The following NEK8 variants were observed in gnomAD, a reference collection of about 807,000 sequenced individuals.
NEK8 encodes the protein NIMA related kinase 8, also known as serine/threonine-protein kinase Nek8.
In NEK8, 51 loss-of-function variants were observed where a neutral mutation model predicts 77.2. The observed-to-expected ratio is 0.66, with a 90% CI of 0.53 to 0.83. The LOEUF (loss-of-function observed/expected upper bound fraction) is 0.83, where lower values mean the gene tolerates loss of function less well. Among genes scored for constraint, NEK8 ranks in the 40% least tolerant of loss-of-function variants. The pLI, the probability that NEK8 is intolerant of heterozygous loss-of-function variation, is 0.00. For missense variants in NEK8, 787 were observed against 909.2 expected (o/e 0.87, Z 1.73); for synonymous variants, 365 against 363.2 (o/e 1.00, Z -0.06).
rs150795574 is a variant in NEK8 at position 28,733,291 on chromosome 17, T to C, written c.48-692T>C. On this transcript the variant is annotated intron_variant, in intron 1 of 14. Coordinates refer to ENST00000268766, the MANE Select transcript of NEK8 (RefSeq NM_178170.3). ...AAGGTTTGGAGGCAGGAATCAAGAGTTTTATTTTGAATTTGTTAAAATTTA... is the reference window on the plus strand; with the variant it reads ...AAGGTTTGGAGGCAGGAATCAAGAGCTTTATTTTGAATTTGTTAAAATTTA... 4.8e-3 allele frequency among the ~76,000 whole-genome samples: 735 copies of C among 152,036 alleles called. 5 individuals carry two copies. Among genetic ancestry groups the C allele is most frequent in the Admixed American group, 0.011 (171 of 15,268 alleles).
intron 1 of NEK8, among the ~76,000 whole-genome samples, chr17:28,733,549 A>G (rs1480247472): frequency 6.6e-6 from 1 of 152,102 alleles, no homozygotes; most frequent in East Asian, 1.9e-4. Flanking sequence ...AAAATAAAAT[A>G]ATATGAATGG....
chr17:28,738,805 C>A (rs777908217), intron 9 of NEK8, 58 bp downstream of exon 9: 3 of 1,377,220 alleles, frequency 2.2e-6, no homozygotes, highest in East Asian at 2.3e-5. Context: ...GAGCCCACAT[C>A]TGTGAGTTGA....
rs541016960 is a variant in NEK8 at position 28,741,959 on chromosome 17, C to T, written c.2051C>T (p.Ser684Leu). 13 of 1,614,024 alleles carry T rather than the reference C, an allele frequency of 8.1e-6. No individual in the cohort carries two copies. Among genetic ancestry groups the T allele is most frequent in the African/African-American group, 6.7e-5 (5 of 75,020 alleles). The change falls in exon 15 of 15, where the codon TCG becomes TTG. Residue 684 changes from serine to leucine, a missense_variant and splice_region_variant. Physicochemically the swap from Ser to Leu is moderately radical, Grantham distance 145. Transcript: ENST00000268766. This position sits in a 1 kb window ranked among gnomAD's most constrained non-coding sequence, Gnocchi z 4.5. ...AGGGTTTCTCTTCGGTACCCTCCAG[C>T]GGTCACAGATGAGCCGGTCCCCCCC... ...CHGNTLLAVR[S>L]VTDEPVPP
Position 28,738,160 on chromosome 17 carries a change from G to A in NEK8, c.1137G>A (p.Gln379=). The A allele has an allele frequency of 6.2e-7, 1 of 1,614,166 alleles. No homozygotes were observed. The highest frequency in any genetic ancestry group is 8.5e-7 in the Non-Finnish European group (1 of 1,179,996). Residue 379 remains glutamine (Q), a synonymous_variant, in exon 8 of 15, where the codon CAG becomes CAA. Transcript: ENST00000268766. ...GGGCAGTGGAGCAGCCACAGCCCCA[G>A]TTCATCTCGCGTTTCCTGGAGGGCC... is the stretch of plus-strand genomic sequence containing the variant. ...LPGAVEQPQP[Q]FISRFLEGQS... is the part of the protein sequence containing the mutation.
At position 28,741,508 on chromosome 17, in the gene NEK8, ACACAC is replaced by A; in HGVS notation, c.1989_1993del (p.His664LeufsTer23). 1 of 1,614,114 alleles carries A rather than the reference ACACAC, an allele frequency of 6.2e-7. No homozygotes were observed. The highest frequency in any genetic ancestry group is 8.5e-7 in the Non-Finnish European group (1 of 1,179,998). On this transcript the variant is annotated frameshift_variant, in exon 14 of 15. Transcript: ENST00000268766. LOFTEE classifies it high-confidence loss of function. The surrounding 1 kb of genome is among the most constrained non-coding windows in gnomAD (Gnocchi z 4.5). Reference sequence around the variant, plus strand: ...CCCTCGGCCAGTGCAGTTGGATGAGACACACCCTTACACGGTGACTTCCGTGTCCT... The same window carrying A: ...CCCTCGGCCAGTGCAGTTGGATGAGACCTTACACGGTGACTTCCGTGTCCT...
In NEK8 at chr17:28,741,472, G is replaced by T. The variant is rs750996402; in HGVS notation, c.1951G>T (p.Asp651Tyr). 1.2e-6 allele frequency: 2 copies of T among 1,614,194 alleles called. No individual in the cohort carries two copies. Among genetic ancestry groups the T allele is most frequent in the South Asian group, 2.2e-5 (2 of 91,088 alleles). The change falls in exon 14 of 15, where the codon GAT becomes TAT. Residue 651 changes from aspartate to tyrosine, a missense_variant. By Grantham distance (160) the Asp-to-Tyr change is radical (BLOSUM62 -3). Coordinates refer to ENST00000268766, the MANE Select transcript of NEK8 (RefSeq NM_178170.3). The surrounding 1 kb of genome is among the most constrained non-coding windows in gnomAD (Gnocchi z 4.5). ...AGGTCGATTGGGAAGGAGGGATGAG[G>T]ATGCCGGACTCCCTCGGCCAGTGCA... is the stretch of plus-strand genomic sequence containing the variant. Reference protein sequence around the residue: ...ARGRLGRRDEDAGLPRPVQLD... With the variant: ...ARGRLGRRDEYAGLPRPVQLD...
In NEK8 at chr17:28,742,320, G is replaced by A. The variant is rs886727293; in HGVS notation, c.*333G>A. ...ATAAAAAGGCTGAAGGCAGCCGGGC[G>A]CAGTGGCTCACGCCTGTAATCCCAG... is the stretch of plus-strand genomic sequence containing the variant. On this transcript the variant is annotated 3_prime_UTR_variant, in exon 15 of 15. Coordinates refer to ENST00000268766, the MANE Select transcript of NEK8 (RefSeq NM_178170.3). The A allele has an allele frequency of 1.1e-5, 5 of 446,794 alleles. No homozygotes were observed. The highest frequency in any genetic ancestry group is 4.6e-5 in the East Asian group (1 of 21,622). 27.7% of individuals were successfully genotyped at this position (446,794 alleles called of 1,614,324 possible).
chr17:28,741,107 A>C lies in NEK8; in HGVS notation c.1762A>C (p.Asn588His). The change falls in exon 13 of 15, where the codon AAT (asparagine) becomes CAT (histidine). Residue 588 changes from asparagine (N) to histidine (H), a missense_variant. Asn to His is a moderately conservative substitution (Grantham distance 68). This residue lies in a region of NEK8 where 516 missense variants were observed against 544.0 expected (regional missense o/e 0.95). Transcript: ENST00000268766. The surrounding 1 kb of genome is among the most constrained non-coding windows in gnomAD (Gnocchi z 4.5). ...GGGTGATTGCTACACTTTTGGCAGC[A>C]ATCAGCACGGACAGTTGGGCACCAA... ...ASGDCYTFGS[N>H]QHGQLGTNTR... 6.2e-7 allele frequency: 1 copy of C among 1,614,184 alleles called. No homozygotes were observed. Among genetic ancestry groups the C allele is most frequent in the South Asian group, 1.1e-5 (1 of 91,082 alleles).
chr17:28,737,562 C>A lies in NEK8; in HGVS notation c.827+48C>A. On this transcript the variant is annotated intron_variant, in intron 5 of 14. Transcript: ENST00000268766. The surrounding 1 kb of genome is among the most constrained non-coding windows in gnomAD (Gnocchi z 4.8). ...GTCCTGGGCGGCAGGGTGTGGGCAC[C>A]CAGTGGGAGCACAGGAGGTCTGAGG... is the stretch of plus-strand genomic sequence containing the variant. The A allele has an allele frequency of 6.2e-7, 1 of 1,612,866 alleles. No homozygotes were observed. Among genetic ancestry groups the A allele is most frequent in the South Asian group, 1.1e-5 (1 of 90,964 alleles).
Position 28,733,647 on chromosome 17 carries a change from G to A in NEK8, c.48-336G>A, listed in dbSNP as rs569944406. 5.3e-5 allele frequency among the ~76,000 whole-genome samples: 8 copies of A among 152,296 alleles called. No homozygotes were observed. The South Asian group carries it at 6.2e-4, about 12-fold the overall frequency. The stretch of plus-strand genomic sequence containing the variant: ...CTCATTCCATCCTCTCAACAACCCT[G>A]GGAGGCCCATTTCATTTTCCAGACA... On this transcript the variant is annotated intron_variant, in intron 1 of 14. Coordinates refer to ENST00000268766, the MANE Select transcript of NEK8 (RefSeq NM_178170.3).
Position 28,742,559 on chromosome 17 carries a change from A to C in NEK8, c.*572A>C, listed in dbSNP as rs1268378578. 6.0e-6 allele frequency: 1 copy of C among 166,292 alleles called. No individual in the cohort carries two copies. The highest frequency in any genetic ancestry group is 1.7e-4 in the East Asian group (1 of 5,858). 10.3% of individuals were successfully genotyped at this position (166,292 alleles called of 1,614,324 possible). A position where few individuals can be genotyped will look rare whatever the true frequency, so the allele number is the denominator to read the frequency against. Reference sequence around the variant, plus strand: ...CAGAACCAGACTCCGTCTCAAAAAAAAAAAAAAAACAAAAAAGGCTGAAGG... The same window carrying C: ...CAGAACCAGACTCCGTCTCAAAAAACAAAAAAAAACAAAAAAGGCTGAAGG... On this transcript the variant is annotated 3_prime_UTR_variant, in exon 15 of 15. Transcript: ENST00000268766.
chr17:28,728,957 G>A lies in NEK8; in HGVS notation c.47+97G>A, dbSNP rs1450308316. 1.4e-5 allele frequency: 16 copies of A among 1,160,686 alleles called. No individual in the cohort carries two copies. The South Asian group carries it at 1.4e-4, about 10-fold the overall frequency. 71.9% of individuals were successfully genotyped at this position (1,160,686 alleles called of 1,614,324 possible). A position where few individuals can be genotyped will look rare whatever the true frequency, so the allele number is the denominator to read the frequency against. On this transcript the variant is annotated intron_variant, in intron 1 of 14. Coordinates refer to ENST00000268766, the MANE Select transcript of NEK8 (RefSeq NM_178170.3). ...CGCCGCCCGCCTAATCCCGCCCCAA[G>A]GCGTGAGCGCCACTCTGGGAAGCCC...
At chr17:28,729,005 C>A in intron 1 of NEK8, 145 bp downstream of exon 1, 2 of 751,556 alleles carry the variant, frequency 2.7e-6, no homozygotes, top group Non-Finnish European at 4.5e-6. Context: ...CGGTCCCAGT[C>A]CCCCGGGGAG....
chr17:28,741,614 C>T lies in NEK8; in HGVS notation c.2050+43C>T, dbSNP rs1567762581. ...CCACTTCACCACACAGCCCAGCTGGCCCCTGTCCACACTCCCATCCCCAGT... is the reference window on the plus strand; with the variant it reads ...CCACTTCACCACACAGCCCAGCTGGTCCCTGTCCACACTCCCATCCCCAGT... On this transcript the variant is annotated intron_variant, in intron 14 of 14. Transcript: ENST00000268766. This position sits in a 1 kb window ranked among gnomAD's most constrained non-coding sequence, Gnocchi z 4.5. 6.3e-7 allele frequency: 1 copy of T among 1,599,908 alleles called. No homozygotes were observed. The highest frequency in any genetic ancestry group is 1.1e-5 in the South Asian group (1 of 90,812).
chr17:28,733,463 T>C (rs1420724447), intron 1 of NEK8, among the ~76,000 whole-genome samples: 1 of 152,208 alleles, frequency 6.6e-6, no homozygotes, highest in Non-Finnish European at 1.5e-5. Context: ...TGCTAAATAT[T>C]GGGCTATGCA....
At chr17:28,729,251 A>C (rs1160196967) in intron 1 of NEK8, among the ~76,000 whole-genome samples, 1 of 152,234 alleles carries the variant, frequency 6.6e-6, no homozygotes, top group East Asian at 1.9e-4. Flanking sequence ...AAGTTATAGC[A>C]GTTATGAAGT....
Position 28,740,372 on chromosome 17 carries a change from C to A in NEK8, c.1418-91C>A. The A allele has an allele frequency of 9.3e-7, 1 of 1,071,500 alleles. No homozygotes were observed. The highest frequency in any genetic ancestry group is 1.7e-5 in the Admixed American group (1 of 58,918). The allele number at this position is 1,071,500 out of a possible 1,614,324, so 66.4% of individuals were successfully genotyped here. A position where few individuals can be genotyped will look rare whatever the true frequency, so the allele number is the denominator to read the frequency against. Reference sequence around the variant, plus strand: ...TTTGGGACTGAGAGAACAGAGAACTCATGCTGTTCCCTCCCCTCAGTGGGC... The same window carrying A: ...TTTGGGACTGAGAGAACAGAGAACTAATGCTGTTCCCTCCCCTCAGTGGGC... On this transcript the variant is annotated intron_variant, in intron 10 of 14. Coordinates refer to ENST00000268766, the MANE Select transcript of NEK8 (RefSeq NM_178170.3). The surrounding 1 kb of genome is among the most constrained non-coding windows in gnomAD (Gnocchi z 4.7).
rs749737984 is a variant in NEK8 at position 28,733,972 on chromosome 17, C to T, written c.48-11C>T. ...TAGCTGGTAACCTGTCCCTGTCCTC[C>T]GTATCCCTAGGATTGTGCACCTGTG... On this transcript the variant is annotated splice_polypyrimidine_tract_variant and intron_variant, in intron 1 of 14. Coordinates refer to ENST00000268766, the MANE Select transcript of NEK8 (RefSeq NM_178170.3). 1.7e-5 allele frequency: 28 copies of T among 1,613,310 alleles called. No homozygotes were observed. Among genetic ancestry groups the T allele is most frequent in the African/African-American group, 4.0e-5 (3 of 74,926 alleles).
In NEK8 at chr17:28,737,594, G is replaced by A. The variant is rs773481363; in HGVS notation, c.827+80G>A. The A allele has an allele frequency of 5.7e-4, 924 of 1,613,616 alleles. No homozygotes were observed. Among genetic ancestry groups the A allele is most frequent in the Non-Finnish European group, 7.5e-4 (886 of 1,179,792 alleles). The stretch of plus-strand genomic sequence containing the variant: ...GAGCACAGGAGGTCTGAGGCAGAGG[G>A]AAACCTGGGGCAAGTCCTCCCTTCC... On this transcript the variant is annotated intron_variant, in intron 5 of 14. Transcript: ENST00000268766. The surrounding 1 kb of genome is among the most constrained non-coding windows in gnomAD (Gnocchi z 4.8).
Sources: allele counts gnomAD v4.1 joint callset (sites outside exome capture counted in the v4.1 genomes callset), GRCh38; gene constraint gnomAD v4.1.1; regional missense constraint gnomAD v4.1.1; non-coding constraint Gnocchi (gnomAD v3.1); transcripts MANE v1.5; gene names NCBI Gene and HGNC (gene_info 2026-07-23, HGNC 2026-07-21).